CDH13: variants seen among roughly 807,000 people sequenced by gnomAD.
The protein encoded by CDH13 is cadherin-13.
In CDH13, 24 loss-of-function variants were observed where a neutral mutation model predicts 63.8. The ratio of observed to expected loss-of-function variants is 0.38; its 90% CI spans 0.27 to 0.53. CDH13 has a LOEUF of 0.53. CDH13 is among the 20% of genes least tolerant of loss of function. CDH13 has a pLI of 0.85. For missense variants in CDH13, 1,049 were observed against 903.1 expected, an observed-to-expected ratio of 1.16 and a Z score of -2.07; for synonymous variants, 503 against 355.3, an observed-to-expected ratio of 1.42 and a Z score of -4.67.
chr16:82,790,013 T>C (rs1490446324), intron 1 of CDH13, among the ~76,000 whole-genome samples: 2 of 152,180 alleles, frequency 1.3e-5, no homozygotes, highest in African/African-American at 4.8e-5. Context: ...CTGCTCACTA[T>C]GACATGAAGG....
At chr16:82,810,044 G>T (rs754921795) in intron 1 of CDH13, among the ~76,000 whole-genome samples, 1 of 152,186 alleles carries the variant, frequency 6.6e-6, no homozygotes, top group Non-Finnish European at 1.5e-5. Context: ...GCCTTAGCAC[G>T]CTCTCATGTT....
intron 6 of CDH13, among the ~76,000 whole-genome samples, chr16:83,481,330 A>G (rs1240974612): frequency 1.3e-5 from 2 of 152,216 alleles, no homozygotes; most frequent in African/African-American, 4.8e-5. Context: ...ATGTTTAGGG[A>G]TGGAGTCAAA....
At chr16:83,319,739 G>C (rs1208186464) in intron 5 of CDH13, among the ~76,000 whole-genome samples, 2 of 152,164 alleles carry the variant, frequency 1.3e-5, no homozygotes, top group East Asian at 3.8e-4. Context: ...GAGGAAGACA[G>C]GTGACAAGAA....
intron 1 of CDH13, among the ~76,000 whole-genome samples, chr16:82,834,281 G>C (rs2038670624): frequency 6.6e-6 from 1 of 152,136 alleles, no homozygotes; most frequent in Non-Finnish European, 1.5e-5. Flanking sequence ...CTGAGCTCTA[G>C]TCAATTCTTG....
intron 2 of CDH13, among the ~76,000 whole-genome samples, chr16:83,026,926 G>A (rs1036084110): frequency 1.3e-5 from 2 of 152,168 alleles, no homozygotes; most frequent in African/African-American, 2.4e-5. Context: ...GAGCGGCTGA[G>A]TGCCATTCTA....
intron 1 of CDH13, among the ~76,000 whole-genome samples, chr16:82,818,182 C>T (rs564261919): frequency 5.1e-4 from 77 of 151,218 alleles, no homozygotes; most frequent in Non-Finnish European, 9.0e-4. Flanking sequence ...ATGTAGTTTC[C>T]CTTCTTAAGT....
intron 11 of CDH13, among the ~76,000 whole-genome samples, chr16:83,753,471 G>C (rs887767391): frequency 2.2e-4 from 33 of 152,138 alleles, no homozygotes; most frequent in African/African-American, 7.5e-4. Flanking sequence ...CCTGAACCCA[G>C]GTAGGTCAAG....
At chr16:82,649,149 C>T (rs1567589130) in intron 1 of CDH13, among the ~76,000 whole-genome samples, 1 of 152,234 alleles carries the variant, frequency 6.6e-6, no homozygotes, top group African/African-American at 2.4e-5. Flanking sequence ...AACAGCAATC[C>T]TATATGCTAT....
chr16:83,538,751 G>A (rs959855442), intron 7 of CDH13, among the ~76,000 whole-genome samples: 1 of 152,130 alleles, frequency 6.6e-6, no homozygotes, highest in African/African-American at 2.4e-5. Flanking sequence ...TGTCCAGTTA[G>A]AATGCATAAT....
chr16:83,022,250 T>G (rs1008795205), intron 2 of CDH13, among the ~76,000 whole-genome samples: 2 of 152,220 alleles, frequency 1.3e-5, no homozygotes, highest in African/African-American at 4.8e-5. Context: ...GCTTTGCAGA[T>G]TAACCAATAT....
At chr16:82,637,874 C>T (rs1466138381) in intron 1 of CDH13, 5 of 152,222 alleles carry the variant, frequency 3.3e-5, no homozygotes, top group Non-Finnish European at 7.3e-5. Context: ...TGTCTTCACT[C>T]AGCGAGTATT....
chr16:82,743,282 G>T (rs1428591760), intron 1 of CDH13, among the ~76,000 whole-genome samples: 1 of 152,078 alleles, frequency 6.6e-6, no homozygotes, highest in Non-Finnish European at 1.5e-5. Flanking sequence ...GCTGGAGCGC[G>T]GTGGCACTCT....
chr16:83,337,452 C>G (rs951294003), intron 5 of CDH13, among the ~76,000 whole-genome samples: 1 of 152,030 alleles, frequency 6.6e-6, no homozygotes, highest in African/African-American at 2.4e-5. Context: ...CAACCTAGTG[C>G]CCATCTACCA....
chr16:83,076,846 A>G (rs1310292884), intron 3 of CDH13, among the ~76,000 whole-genome samples: 1 of 152,186 alleles, frequency 6.6e-6, no homozygotes, highest in African/African-American at 2.4e-5. Context: ...TCATGTTTAC[A>G]TTTTGACAAA....
chr16:83,555,975 G>A (rs984981193), intron 7 of CDH13, among the ~76,000 whole-genome samples: 4 of 152,144 alleles, frequency 2.6e-5, no homozygotes, highest in African/African-American at 9.7e-5. Context: ...TATGGCCTGG[G>A]GGAAGTAACA....
chr16:83,180,649 T>A (rs2038314126), intron 4 of CDH13, among the ~76,000 whole-genome samples: 1 of 152,240 alleles, frequency 6.6e-6, no homozygotes, highest in Non-Finnish European at 1.5e-5. Context: ...CAGTCCATAT[T>A]ATCTTGGAAC....
chr16:83,548,915 G>A (rs1317816052), intron 7 of CDH13, among the ~76,000 whole-genome samples: 1 of 152,194 alleles, frequency 6.6e-6, no homozygotes, highest in East Asian at 1.9e-4. Flanking sequence ...GCCTTCAGTA[G>A]AATTTCATCT....
At chr16:83,308,383 T>C (rs1311209778) in intron 5 of CDH13, among the ~76,000 whole-genome samples, 1 of 152,226 alleles carries the variant, frequency 6.6e-6, no homozygotes, top group African/African-American at 2.4e-5. Flanking sequence ...ATATTTGAGA[T>C]GTTCTAGATT....
At chr16:83,404,505 C>A (rs144875021) in intron 6 of CDH13, among the ~76,000 whole-genome samples, 1 of 152,206 alleles carries the variant, frequency 6.6e-6, no homozygotes, top group Non-Finnish European at 1.5e-5. Context: ...TTAGAGCCCA[C>A]AAGAAGAACT....
Sources: allele counts gnomAD v4.1 joint callset (sites outside exome capture counted in the v4.1 genomes callset), GRCh38; gene constraint gnomAD v4.1.1; transcripts MANE v1.5; gene names NCBI Gene and HGNC (gene_info 2026-07-23, HGNC 2026-07-21).